The following GNAL variants were observed in gnomAD, a reference collection of about 807,000 sequenced individuals.
The protein encoded by GNAL is guanine nucleotide-binding protein G(olf) subunit alpha.
In GNAL, 18 loss-of-function variants were observed where a neutral mutation model predicts 55.1. The ratio of observed to expected loss-of-function variants is 0.33; its 90% confidence interval spans 0.23 to 0.48. The LOEUF (loss-of-function observed/expected upper bound fraction) is 0.48. GNAL is among the 20% of genes least tolerant of loss of function. The pLI, the probability that GNAL is intolerant of heterozygous loss-of-function variation, is 0.99. For missense variants in GNAL, 412 were observed against 614.1 expected (o/e 0.67, Z 3.48); for synonymous variants, 253 against 237.0 (o/e 1.07, Z -0.62).
intron 4 of GNAL, among the ~76,000 whole-genome samples, chr18:11,763,412 C>T (rs933043530): frequency 6.7e-6 from 1 of 148,466 alleles, no homozygotes; most frequent in African/African-American, 2.5e-5. Context: ...AATACGATAT[C>T]TTTTTTTTTT....
intron 1 of GNAL, among the ~76,000 whole-genome samples, chr18:11,716,256 C>T (rs1439027054): frequency 2.0e-5 from 3 of 152,214 alleles, no homozygotes; most frequent in Admixed American, 6.5e-5. Context: ...GTGAGTGTTA[C>T]AGTTCTTAAA....
intron 1 of GNAL, among the ~76,000 whole-genome samples, chr18:11,704,952 A>G (rs557089470): frequency 6.5e-5 from 8 of 123,136 alleles, no homozygotes; most frequent in African/African-American, 2.2e-4. Context: ...TCCTTATTTT[A>G]TCATGGTAAG....
In GNAL at chr18:11,874,727, G is replaced by A. The variant is rs189896042; in HGVS notation, c.1163-1894G>A. Among the ~76,000 whole-genome samples, 117 of 112,278 alleles carry A rather than the reference G, an allele frequency of 1.0e-3. 1 individual carries two copies. The East Asian group carries it at 0.016, about 16-fold the overall frequency. The allele number at this position is 112,278 out of a possible 152,430, so 73.7% of individuals were successfully genotyped here. A position where few individuals can be genotyped will look rare whatever the true frequency, so the allele number is the denominator to read the frequency against. On this transcript the variant is annotated intron_variant, in intron 10 of 11. Transcript: ENST00000334049. ...GAGTATGTCAGTGACCCCCACCCCC[G>A]CCAAGATAAATGACATGGGCGCTCC...
intron 1 of GNAL, among the ~76,000 whole-genome samples, chr18:11,724,403 C>T (rs1305954805): frequency 6.6e-6 from 1 of 152,172 alleles, no homozygotes; most frequent in Non-Finnish European, 1.5e-5. Flanking sequence ...ATAGTTCTGC[C>T]GGCTAAAAGG....
At chr18:11,808,450 A>C (rs578069681) in intron 4 of GNAL, among the ~76,000 whole-genome samples, 1 of 152,366 alleles carries the variant, frequency 6.6e-6, no homozygotes, top group Non-Finnish European at 1.5e-5. Context: ...ACGCATTAGA[A>C]AGTTAGATAA....
chr18:11,809,628 G>A (rs1407310154), intron 4 of GNAL, among the ~76,000 whole-genome samples: 1 of 152,156 alleles, frequency 6.6e-6, no homozygotes, highest in Non-Finnish European at 1.5e-5. Context: ...AGCTACTTGA[G>A]AGGCTGAGAC....
intron 11 of GNAL, among the ~76,000 whole-genome samples, chr18:11,879,444 A>G (rs1325164405): frequency 6.6e-6 from 1 of 152,190 alleles, no homozygotes; most frequent in Non-Finnish European, 1.5e-5. Context: ...CTTAAACAGC[A>G]GAAATGTATT....
intron 1 of GNAL, among the ~76,000 whole-genome samples, chr18:11,691,675 A>C (rs370794157): frequency 6.6e-6 from 1 of 152,146 alleles, no homozygotes; most frequent in African/African-American, 2.4e-5. Context: ...AGCTTTCTAC[A>C]TATGGCTAGC....
intron 1 of GNAL, among the ~76,000 whole-genome samples, chr18:11,730,160 C>CT (rs1240028582): frequency 0.093 from 12,907 of 138,744 alleles, 1,101 homozygotes; most frequent in African/African-American, 0.22. Flanking sequence ...CAGCCTCCCA[C>CT]TTTTTTTTTT....
At chr18:11,717,331 C>T (rs1165901416) in intron 1 of GNAL, among the ~76,000 whole-genome samples, 16 of 152,210 alleles carry the variant, frequency 1.1e-4, no homozygotes, top group Admixed American at 1.0e-3. Context: ...CTGGCCTTGG[C>T]CAGCCCAGAA....
chr18:11,726,079 T>C (rs544624280), intron 1 of GNAL, among the ~76,000 whole-genome samples: 88 of 152,380 alleles, frequency 5.8e-4, no homozygotes, highest in African/African-American at 1.8e-3. Flanking sequence ...TCTGTGAGTC[T>C]ATTTCTGGGC....
At chr18:11,852,742 T>A (rs1443511967) in intron 5 of GNAL, 1 of 166,744 alleles carries the variant, frequency 6.0e-6, no homozygotes, top group African/African-American at 2.4e-5. Flanking sequence ...ACTCTCTTAC[T>A]GCTTACATTC....
chr18:11,690,478 C>G (rs371461883), intron 1 of GNAL, among the ~76,000 whole-genome samples: 3 of 151,530 alleles, frequency 2.0e-5, no homozygotes, highest in East Asian at 3.9e-4. Flanking sequence ...TTTTATTATA[C>G]TTTAAGTTTT....
At chr18:11,816,556 A>C (rs1270145752) in intron 4 of GNAL, among the ~76,000 whole-genome samples, 2 of 152,118 alleles carry the variant, frequency 1.3e-5, no homozygotes, top group African/African-American at 4.8e-5. Context: ...GGGCTCCCAA[A>C]GTGCTGGGAT....
intron 1 of GNAL, among the ~76,000 whole-genome samples, chr18:11,719,251 G>T (rs28681567): frequency 0.013 from 1,974 of 151,738 alleles, 39 homozygotes; most frequent in African/African-American, 0.045. Flanking sequence ...CACCAGTCAC[G>T]TGATGGTTGA....
At chr18:11,845,805 G>C (rs1410955034) in intron 5 of GNAL, among the ~76,000 whole-genome samples, 2 of 148,224 alleles carry the variant, frequency 1.3e-5, no homozygotes, top group African/African-American at 2.4e-5. Flanking sequence ...GAGGGAGGGA[G>C]AGGGGGAGAG....
intron 1 of GNAL, among the ~76,000 whole-genome samples, chr18:11,732,622 C>T (rs1372105652): frequency 6.6e-6 from 1 of 151,752 alleles, no homozygotes; most frequent in Admixed American, 6.6e-5. Flanking sequence ...AGTTTTGCCC[C>T]GATTTTATCA....
chr18:11,743,036 A>G (rs1052356653), intron 1 of GNAL, among the ~76,000 whole-genome samples: 11 of 152,330 alleles, frequency 7.2e-5, no homozygotes, highest in African/African-American at 1.9e-4. Flanking sequence ...TTTTGTGTGG[A>G]CACGAAATTG....
chr18:11,725,390 T>C (rs11872605), intron 1 of GNAL, among the ~76,000 whole-genome samples: 1,970 of 152,206 alleles, frequency 0.013, 38 homozygotes, highest in African/African-American at 0.045. Flanking sequence ...AGAGACTAAC[T>C]CTGCTGACAC....
Sources: allele counts gnomAD v4.1 joint callset (sites outside exome capture counted in the v4.1 genomes callset), GRCh38; gene constraint gnomAD v4.1.1; transcripts MANE v1.5; gene names NCBI Gene and HGNC (gene_info 2026-07-23, HGNC 2026-07-21).